The following CHST11 variants were observed in gnomAD, a reference collection of about 807,000 sequenced individuals.
The protein encoded by CHST11 is carbohydrate sulfotransferase 11, also known as C4S-1.
CHST11 carries 9 observed loss-of-function variants against 30.4 expected under a neutral mutation model. The ratio of observed to expected loss-of-function variants is 0.30; its 90% CI spans 0.18 to 0.52. CHST11 has a LOEUF of 0.52. CHST11 is among the 20% of genes least tolerant of loss of function. CHST11 has a pLI of 0.97. For synonymous variants in CHST11, 152 were observed against 187.8 expected, an observed-to-expected ratio of 0.81 and a Z score of 1.56; for missense variants, 348 against 460.6, an observed-to-expected ratio of 0.76 and a Z score of 2.24.
intron 1 of CHST11, among the ~76,000 whole-genome samples, chr12:104,475,691 T>TATATATATATATATATATATA (rs6144846): frequency 2.5e-4 from 32 of 127,792 alleles, no homozygotes; most frequent in East Asian, 6.6e-4. Context: ...TATATATATA[T>TATATATATATATATATATATA]TTCTGATTAT....
chr12:104,571,112 T>G (rs2038620480), intron 1 of CHST11, among the ~76,000 whole-genome samples: 1 of 151,956 alleles, frequency 6.6e-6, no homozygotes, highest in South Asian at 2.1e-4. Context: ...TCAGCTGAGG[T>G]CACATAGCTA....
chr12:104,678,203 C>A (rs914390151), intron 2 of CHST11, among the ~76,000 whole-genome samples: 3 of 152,126 alleles, frequency 2.0e-5, no homozygotes, highest in African/African-American at 7.2e-5. Flanking sequence ...TCTTAGGGCC[C>A]AATGGAGAAA....
chr12:104,556,599 G>A (rs1322085689), intron 1 of CHST11, among the ~76,000 whole-genome samples: 1 of 152,120 alleles, frequency 6.6e-6, no homozygotes, highest in Non-Finnish European at 1.5e-5. Flanking sequence ...GTCTCTCCAG[G>A]CTCTGCCTCT....
intron 2 of CHST11, among the ~76,000 whole-genome samples, chr12:104,664,013 G>A (rs191969114): frequency 6.6e-6 from 1 of 152,232 alleles, no homozygotes; most frequent in East Asian, 1.9e-4. Context: ...CATCTGCCCT[G>A]GACATGAGAT....
At chr12:104,535,883 C>A (rs1198368695) in intron 1 of CHST11, among the ~76,000 whole-genome samples, 1 of 152,178 alleles carries the variant, frequency 6.6e-6, no homozygotes, top group East Asian at 1.9e-4. Flanking sequence ...TGATAAAAAG[C>A]AGATTCATTC....
intron 2 of CHST11, among the ~76,000 whole-genome samples, chr12:104,683,450 T>C (rs1048969778): frequency 1.3e-5 from 2 of 152,360 alleles, no homozygotes; most frequent in East Asian, 3.9e-4. Flanking sequence ...TTGTTAGGGT[T>C]TCAGACCTCT....
At chr12:104,705,188 G>C (rs1409602436) in intron 2 of CHST11, among the ~76,000 whole-genome samples, 5 of 152,080 alleles carry the variant, frequency 3.3e-5, no homozygotes, top group African/African-American at 1.2e-4. Flanking sequence ...TCTTGGTGTG[G>C]GTCACCTGGT....
At chr12:104,625,487 T>C (rs1029456213) in intron 2 of CHST11, among the ~76,000 whole-genome samples, 1 of 152,122 alleles carries the variant, frequency 6.6e-6, no homozygotes, top group African/African-American at 2.4e-5. Context: ...GTGTTTTTAG[T>C]AGAGATGGGG....
chr12:104,508,239 G>T (rs779322485), intron 1 of CHST11, among the ~76,000 whole-genome samples: 16 of 152,046 alleles, frequency 1.1e-4, no homozygotes, highest in Non-Finnish European at 1.5e-4. Context: ...TCAGCTCTGG[G>T]GTCAGACTGT....
chr12:104,518,429 A>G (rs542306014), intron 1 of CHST11, among the ~76,000 whole-genome samples: 3 of 152,110 alleles, frequency 2.0e-5, no homozygotes, highest in Non-Finnish European at 2.9e-5. Flanking sequence ...TCGGTAAGGG[A>G]TATTCAGAGG....
rs572979883 is a variant in CHST11, at chr12:104,536,134, G to A, written c.119-65772G>A. On this transcript the variant is annotated intron_variant, in intron 1 of 2. Transcript: ENST00000303694. ...AGGACAAGTCTTCTTGCCTGGCAGG[G>A]ACGTGAAAATGATGGACTGGGAAAG... Among the ~76,000 whole-genome samples, 13 of 152,310 alleles carry A rather than the reference G, an allele frequency of 8.5e-5. No homozygotes were observed. The South Asian group carries it at 2.7e-3, about 32-fold the overall frequency.
At chr12:104,546,061 G>C (rs901707239) in intron 1 of CHST11, among the ~76,000 whole-genome samples, 4 of 152,128 alleles carry the variant, frequency 2.6e-5, no homozygotes, top group Admixed American at 1.3e-4. Flanking sequence ...CCAGCACATT[G>C]GGGATTTCGA....
intron 2 of CHST11, among the ~76,000 whole-genome samples, chr12:104,709,303 C>A (rs1475952559): frequency 1.3e-5 from 2 of 152,216 alleles, no homozygotes; most frequent in Non-Finnish European, 2.9e-5. Flanking sequence ...TCAGCTTCCT[C>A]CTGTCATCAG....
intron 2 of CHST11, among the ~76,000 whole-genome samples, chr12:104,694,459 G>GA (rs1220264938): frequency 2.0e-5 from 3 of 152,044 alleles, no homozygotes; most frequent in East Asian, 1.9e-4. Context: ...TGCCACTTTT[G>GA]AAAAAAATGT....
intron 1 of CHST11, among the ~76,000 whole-genome samples, chr12:104,462,294 A>G (rs1417051434): frequency 1.3e-5 from 2 of 149,786 alleles, no homozygotes; most frequent in Non-Finnish European, 3.0e-5. Flanking sequence ...GAATATATTT[A>G]TATATATTTA....
chr12:104,528,733 T>G (rs920717770), intron 1 of CHST11, among the ~76,000 whole-genome samples: 1 of 152,222 alleles, frequency 6.6e-6, no homozygotes. Flanking sequence ...CTCTAGGTGC[T>G]ATCAAGGCTT....
chr12:104,747,204 C>G (rs559314953), intron 2 of CHST11, among the ~76,000 whole-genome samples: 5 of 152,304 alleles, frequency 3.3e-5, no homozygotes, highest in African/African-American at 9.6e-5. Flanking sequence ...AGCGGCTGCC[C>G]GGGAGCCGAT....
intron 2 of CHST11, among the ~76,000 whole-genome samples, chr12:104,619,337 G>T (rs2039138142): frequency 6.6e-6 from 1 of 151,574 alleles, no homozygotes; most frequent in African/African-American, 2.4e-5. Context: ...GAGTTGCAGA[G>T]AAGGACTTCT....
intron 1 of CHST11, among the ~76,000 whole-genome samples, chr12:104,489,359 C>T (rs905090845): frequency 3.3e-5 from 5 of 151,588 alleles, no homozygotes; most frequent in African/African-American, 7.3e-5. Flanking sequence ...TACAAGGACA[C>T]CAGTCAGATT....
Sources: gnomAD v4.1 joint callset for allele counts (sites outside exome capture counted in the v4.1 genomes callset) on GRCh38, gnomAD v4.1.1 for gene constraint, MANE v1.5 for transcripts, NCBI Gene and HGNC (gene_info 2026-07-23, HGNC 2026-07-21) for gene names.